The following PLCXD3 variants were observed in gnomAD, a reference collection of about 807,000 sequenced individuals.
PLCXD3 encodes the protein phosphatidylinositol specific phospholipase C X domain containing 3, also known as PI-PLC X domain-containing protein 3.
Under a neutral mutation model 25.5 loss-of-function variants are expected in PLCXD3, and 19 were observed. That is an observed-to-expected ratio of 0.75 (90% CI 0.52 to 1.09). The LOEUF (loss-of-function observed/expected upper bound fraction) is 1.09. Ranked by LOEUF, PLCXD3 falls within the 50% of genes least tolerant of loss-of-function variation. PLCXD3 has a pLI of 0.00. For missense variants in PLCXD3, 411 were observed against 388.1 expected, an observed-to-expected ratio of 1.06 and a Z score of -0.50; for synonymous variants, 174 against 137.6, an observed-to-expected ratio of 1.26 and a Z score of -1.85.
At chr5:41,379,458 G>A (rs1194013091) in intron 2 of PLCXD3, among the ~76,000 whole-genome samples, 3 of 152,018 alleles carry the variant, frequency 2.0e-5, no homozygotes, top group African/African-American at 4.8e-5. Context: ...GACTAGTTAG[G>A]CAAAATCATC....
chr5:41,339,709 G>A (rs777076994), intron 2 of PLCXD3, among the ~76,000 whole-genome samples: 6 of 152,042 alleles, frequency 3.9e-5, no homozygotes, highest in African/African-American at 7.2e-5. Flanking sequence ...AACTTGGTAT[G>A]GTTGTATTCT....
intron 2 of PLCXD3, among the ~76,000 whole-genome samples, chr5:41,321,599 A>G (rs898630586): frequency 2.6e-5 from 4 of 152,206 alleles, no homozygotes; most frequent in Non-Finnish European, 5.9e-5. Context: ...TTATGTGGAA[A>G]CACAAAAGAC....
intron 1 of PLCXD3, among the ~76,000 whole-genome samples, chr5:41,499,258 A>G (rs1748902610): frequency 6.6e-6 from 1 of 151,726 alleles, no homozygotes; most frequent in Admixed American, 6.6e-5. Flanking sequence ...ACTAGATTCC[A>G]ATAAATAAAT....
chr5:41,382,565 A>T (rs1029141870), intron 1 of PLCXD3, 31 bp from the exon 2 acceptor site: 14 of 1,515,852 alleles, frequency 9.2e-6, no homozygotes, highest in Non-Finnish European at 1.2e-5. Flanking sequence ...AGTGTGGTTA[A>T]TTTCCACGTC....
At chr5:41,441,280 C>A (rs984481768) in intron 1 of PLCXD3, among the ~76,000 whole-genome samples, 2 of 152,158 alleles carry the variant, frequency 1.3e-5, no homozygotes, top group African/African-American at 4.8e-5. Flanking sequence ...AAAAGAATTT[C>A]TTTAGAAGAC....
intron 2 of PLCXD3, among the ~76,000 whole-genome samples, chr5:41,372,406 A>C (rs1580331875): frequency 6.6e-6 from 1 of 150,924 alleles, no homozygotes; most frequent in African/African-American, 2.4e-5. Context: ...TTAGTCTTTA[A>C]CCTCTCTAAA....
At chr5:41,377,207 G>A (rs532996069) in intron 2 of PLCXD3, among the ~76,000 whole-genome samples, 4 of 152,126 alleles carry the variant, frequency 2.6e-5, no homozygotes, top group South Asian at 4.1e-4. Flanking sequence ...TGTTAAGATA[G>A]GATGGCAATA....
chr5:41,462,592 A>C (rs537906209), intron 1 of PLCXD3, among the ~76,000 whole-genome samples: 12 of 152,148 alleles, frequency 7.9e-5, no homozygotes, highest in African/African-American at 2.9e-4. Flanking sequence ...AGCTAGGAGA[A>C]ACATCCATGA....
At chr5:41,316,614 A>T (rs185234595) in intron 2 of PLCXD3, among the ~76,000 whole-genome samples, 120 of 152,266 alleles carry the variant, frequency 7.9e-4, no homozygotes, top group African/African-American at 2.7e-3. Context: ...GCCCAGGGTC[A>T]GAGGGAGCCC....
At chr5:41,370,488 G>A (rs1056685242) in intron 2 of PLCXD3, among the ~76,000 whole-genome samples, 4 of 152,168 alleles carry the variant, frequency 2.6e-5, no homozygotes, top group Non-Finnish European at 5.9e-5. Flanking sequence ...TCATTGCCTA[G>A]AGTGATGTTA....
chr5:41,463,383 G>A (rs1211591511), intron 1 of PLCXD3, among the ~76,000 whole-genome samples: 1 of 151,822 alleles, frequency 6.6e-6, no homozygotes, highest in East Asian at 1.9e-4. Flanking sequence ...AGCTCTCTGG[G>A]GTCTCTATTA....
chr5:41,453,476 A>G (rs1252238895), intron 1 of PLCXD3, among the ~76,000 whole-genome samples: 1 of 151,740 alleles, frequency 6.6e-6, no homozygotes, highest in Non-Finnish European at 1.5e-5. Flanking sequence ...GTTTTATGAT[A>G]CAAGAATAGG....
At chr5:41,366,001 G>A (rs988461959) in intron 2 of PLCXD3, among the ~76,000 whole-genome samples, 3 of 151,742 alleles carry the variant, frequency 2.0e-5, no homozygotes, top group African/African-American at 7.3e-5. Flanking sequence ...GTGCAGGTTT[G>A]TTACATATGT....
rs1554047952 is a variant in PLCXD3, at chr5:41,403,401, G to GTTTTTGTTTTTGTTTTTGTTT, written c.104-20868_104-20867insAAACAAAAACAAAAACAAAAA. ...ATTTACCCAGATTGACTTATTTGTT[G>GTTTTTGTTTTTGTTTTTGTTT]TTTTTTTTTTTTTTTATTATACTCT... On this transcript the variant is annotated intron_variant, in intron 1 of 2. Transcript: ENST00000377801. Among the ~76,000 whole-genome samples the GTTTTTGTTTTTGTTTTTGTTT allele has an allele frequency of 1.6e-3, 30 of 18,394 alleles. 2 individuals carry two copies. Among genetic ancestry groups the GTTTTTGTTTTTGTTTTTGTTT allele is most frequent in the African/African-American group, 5.5e-3 (30 of 5,450 alleles). 12.1% of individuals were successfully genotyped at this position (18,394 alleles called of 152,430 possible). A position where few individuals can be genotyped will look rare whatever the true frequency, so the allele number is the denominator to read the frequency against.
chr5:41,352,679 T>C (rs1276941986), intron 2 of PLCXD3, among the ~76,000 whole-genome samples: 1 of 152,234 alleles, frequency 6.6e-6, no homozygotes, highest in Non-Finnish European at 1.5e-5. Context: ...GTCTTAGTTA[T>C]CCAAGTATAA....
At chr5:41,463,879 AAAACTTATCCTC>A (rs775395764) in intron 1 of PLCXD3, among the ~76,000 whole-genome samples, 5,535 of 151,992 alleles carry the variant, frequency 0.036, 159 homozygotes, top group Non-Finnish European at 0.053. Flanking sequence ...TTCCTCTTTG[AAAACTTATCCTC>A]TCAAAGGGAA....
chr5:41,469,508 T>TC (rs1371347320), intron 1 of PLCXD3, among the ~76,000 whole-genome samples: 2 of 151,916 alleles, frequency 1.3e-5, no homozygotes, highest in African/African-American at 2.4e-5. Context: ...CTTTTTTTTT[T>TC]TCTCTCAAGT....
chr5:41,468,807 A>G (rs1304770835), intron 1 of PLCXD3, among the ~76,000 whole-genome samples: 1 of 152,142 alleles, frequency 6.6e-6, no homozygotes, highest in Non-Finnish European at 1.5e-5. Context: ...AGGTTATGTA[A>G]TCTTACATAT....
Position 41,308,003 on chromosome 5 carries a change from A to G in PLCXD3, c.*5614T>C, listed in dbSNP as rs1416147754. The stretch of plus-strand genomic sequence containing the variant: ...GGAAGTGTTGAACATGGTGGCATTG[A>G]TCCTATGAAGATATTTACTTGATTA... On this transcript the variant is annotated 3_prime_UTR_variant, in exon 3 of 3. Transcript: ENST00000377801. 6.6e-6 allele frequency: 1 copy of G among 152,106 alleles called. No homozygotes were observed. The highest frequency in any genetic ancestry group is 1.5e-5 in the Non-Finnish European group (1 of 68,020). The allele number at this position is 152,106 out of a possible 1,614,324, so 9.4% of individuals were successfully genotyped here.
Sources: allele counts gnomAD v4.1 joint callset (sites outside exome capture counted in the v4.1 genomes callset), GRCh38; gene constraint gnomAD v4.1.1; transcripts MANE v1.5; gene names NCBI Gene and HGNC (gene_info 2026-07-23, HGNC 2026-07-21).